The following SIGLEC5 variants were observed in gnomAD, a reference collection of about 807,000 sequenced individuals.
The protein encoded by SIGLEC5 is sialic acid-binding Ig-like lectin 5.
In SIGLEC5, 34 loss-of-function variants were observed where a neutral mutation model predicts 45.9. The observed-to-expected ratio is 0.74, with a 90% CI of 0.56 to 0.99. The LOEUF is 0.99. Among genes scored for constraint, SIGLEC5 ranks in the 50% least tolerant of loss-of-function variants. The pLI is 0.00. For synonymous variants in SIGLEC5, 203 were observed against 258.6 expected (o/e 0.79, Z 2.06); for missense variants, 508 against 629.6 (o/e 0.81, Z 2.07).
Position 51,612,280 on chromosome 19 carries a change from T to C in SIGLEC5, c.1607A>G (p.Gln536Arg). ...GTACTCCGTGGTGCTTGGGGCCTCC[T>C]GGTCCTTAGGCTCCCTCGACTTCAT... Reference protein sequence around the residue: ...SEMKSREPKDQEAPSTTEYSE... With the variant: ...SEMKSREPKDREAPSTTEYSE... The change falls in exon 9 of 9, where the codon CAG becomes CGG. Residue 536 changes from glutamine to arginine, a missense_variant. Around this residue, in one of 2 missense-constraint regions of SIGLEC5, gnomAD observed 431 missense variants for 428.8 expected, o/e 1.01. Coordinates refer to ENST00000683636, the MANE Select transcript of SIGLEC5 (RefSeq NM_003830.4). The C allele has an allele frequency of 1.9e-6, 3 of 1,612,424 alleles. No homozygotes were observed. The highest frequency in any genetic ancestry group is 2.5e-6 in the Non-Finnish European group (3 of 1,179,314).
intron 6 of SIGLEC5, 106 bp from the exon 7 acceptor site, chr19:51,627,354 G>T (rs1346151148): frequency 6.6e-7 from 1 of 1,525,556 alleles, no homozygotes; most frequent in Non-Finnish European, 8.9e-7. Context: ...AGGAGATGAA[G>T]AACCCTGTCT....
At chr19:51,625,087 G>A (rs912294026) in intron 8 of SIGLEC5, among the ~76,000 whole-genome samples, 1 of 152,152 alleles carries the variant, frequency 6.6e-6, no homozygotes, top group African/African-American at 2.4e-5. Flanking sequence ...AAGAGAAGGG[G>A]CAGATATCAA....
rs769816301 is a variant in SIGLEC5, at chr19:51,612,258, C to T, written c.1629G>A (p.Glu543=). 6.2e-7 allele frequency: 1 copy of T among 1,609,474 alleles called. No homozygotes were observed. Among genetic ancestry groups the T allele is most frequent in the Non-Finnish European group, 8.5e-7 (1 of 1,177,524 alleles). ...PKDQEAPSTT[E]YSEIKTSK ...ACTTGCTTGTCTTGATCTCCGAGTA[C>T]TCCGTGGTGCTTGGGGCCTCCTGGT... The change falls in exon 9 of 9, where the codon GAG becomes GAA. Residue 543 remains glutamate (E), a synonymous_variant. Coordinates refer to ENST00000683636, the MANE Select transcript of SIGLEC5 (RefSeq NM_003830.4).
chr19:51,622,072 A>AT lies in SIGLEC5; in HGVS notation c.1464+3959dup, dbSNP rs563031884. Among the ~76,000 whole-genome samples the AT allele has an allele frequency of 5.8e-4, 89 of 152,246 alleles. No individual in the cohort carries two copies. The South Asian group carries it at 8.9e-3, about 15-fold the overall frequency. The stretch of plus-strand genomic sequence containing the variant: ...CCACATTGAGCTATAGATTCAATGT[A>AT]TTTTTTGGAATTTGACAACCTGATT... On this transcript the variant is annotated intron_variant, in intron 8 of 8. Coordinates refer to ENST00000683636, the MANE Select transcript of SIGLEC5 (RefSeq NM_003830.4).
chr19:51,621,881 C>A (rs1339862213), intron 8 of SIGLEC5, among the ~76,000 whole-genome samples: 1 of 151,746 alleles, frequency 6.6e-6, no homozygotes, highest in Non-Finnish European at 1.5e-5. Flanking sequence ...ACAATAGCAA[C>A]AAAAACTGGT....
intron 6 of SIGLEC5, 63 bp from the exon 7 acceptor site, chr19:51,627,311 G>T: frequency 1.3e-6 from 2 of 1,565,868 alleles, no homozygotes; most frequent in South Asian, 1.1e-5. Context: ...CCTCCCACCT[G>T]CTGGGCAACT....
intron 8 of SIGLEC5, among the ~76,000 whole-genome samples, chr19:51,619,903 TAATAA>T (rs1983218055): frequency 6.6e-6 from 1 of 151,724 alleles, no homozygotes; most frequent in Non-Finnish European, 1.5e-5. Context: ...TTGAAACTGA[TAATAA>T]AATAGGGAAA....
chr19:51,626,607 C>T (rs1291034409), intron 7 of SIGLEC5, among the ~76,000 whole-genome samples: 2 of 152,108 alleles, frequency 1.3e-5, no homozygotes, highest in Non-Finnish European at 2.9e-5. Flanking sequence ...ACAACTGCAA[C>T]TTCAGGACAG....
intron 8 of SIGLEC5, among the ~76,000 whole-genome samples, chr19:51,615,979 T>G (rs1399373933): frequency 2.6e-5 from 4 of 152,206 alleles, no homozygotes; most frequent in Admixed American, 2.6e-4. Flanking sequence ...TTTCTCCATG[T>G]TGGTTGGGCT....
chr19:51,620,231 A>G (rs1040334904), intron 8 of SIGLEC5, among the ~76,000 whole-genome samples: 1 of 152,284 alleles, frequency 6.6e-6, no homozygotes, highest in Admixed American at 6.5e-5. Flanking sequence ...TTTCAGTTTT[A>G]TACACACTCT....
intron 8 of SIGLEC5, among the ~76,000 whole-genome samples, chr19:51,620,444 T>G (rs546621020): frequency 2.6e-5 from 4 of 152,228 alleles, no homozygotes; most frequent in Non-Finnish European, 5.9e-5. Flanking sequence ...CTCCCAGGAA[T>G]GCAGGAGTAG....
intron 7 of SIGLEC5, among the ~76,000 whole-genome samples, chr19:51,626,760 C>T (rs1983496201): frequency 6.6e-6 from 1 of 152,082 alleles, no homozygotes. Context: ...GTGACAGATG[C>T]ATAACTCTGT....
At chr19:51,622,227 G>T (rs1285177758) in intron 8 of SIGLEC5, among the ~76,000 whole-genome samples, 1 of 151,978 alleles carries the variant, frequency 6.6e-6, no homozygotes, top group East Asian at 1.9e-4. Context: ...TGCCTCCCAG[G>T]TTCACGCCAT....
At chr19:51,626,274 C>T (rs1436641438) in intron 7 of SIGLEC5, among the ~76,000 whole-genome samples, 161 bp from the exon 8 acceptor site, 1 of 152,132 alleles carries the variant, frequency 6.6e-6, no homozygotes, top group East Asian at 1.9e-4. Context: ...CTCCATCCTC[C>T]TGGATAACCA....
intron 8 of SIGLEC5, among the ~76,000 whole-genome samples, chr19:51,623,131 G>GA (rs1384634224): frequency 2.6e-5 from 4 of 152,038 alleles, no homozygotes; most frequent in Admixed American, 2.6e-4. Flanking sequence ...TGCCTCTATT[G>GA]AAACAGTTCA....
At chr19:51,613,691 A>G (rs1039265541) in intron 8 of SIGLEC5, among the ~76,000 whole-genome samples, 2 of 152,232 alleles carry the variant, frequency 1.3e-5, no homozygotes, top group Admixed American at 1.3e-4. Flanking sequence ...CCACAACAGT[A>G]TAAAAGATAT....
intron 8 of SIGLEC5, chr19:51,621,508 AG>A (rs1983279027): frequency 6.6e-6 from 1 of 152,266 alleles, no homozygotes; most frequent in South Asian, 2.1e-4. Context: ...AGTATACATG[AG>A]GACAGGCATT....
At chr19:51,629,213 G>C in intron 3 of SIGLEC5, 137 bp from the exon 4 acceptor site, 3 of 1,533,064 alleles carry the variant, frequency 2.0e-6, no homozygotes, top group Non-Finnish European at 2.7e-6. Flanking sequence ...CAGATCCCAA[G>C]GCTTAGATCC....
In SIGLEC5 at chr19:51,612,282, G is replaced by C; in HGVS notation, c.1605C>G (p.Asp535Glu). ...FSEMKSREPK[D>E]QEAPSTTEYS... is the part of the protein sequence containing the mutation. ...ACTCCGTGGTGCTTGGGGCCTCCTG[G>C]TCCTTAGGCTCCCTCGACTTCATCT... The change falls in exon 9 of 9, where the codon GAC becomes GAG. Residue 535 changes from aspartate to glutamate, a missense_variant. Physicochemically the swap from Asp to Glu is conservative, Grantham distance 45. Transcript: ENST00000683636. The C allele has an allele frequency of 6.2e-7, 1 of 1,612,390 alleles. No homozygotes were observed. The highest frequency in any genetic ancestry group is 8.5e-7 in the Non-Finnish European group (1 of 1,179,320).
Sources: allele counts gnomAD v4.1 joint callset (sites outside exome capture counted in the v4.1 genomes callset), GRCh38; gene constraint gnomAD v4.1.1; regional missense constraint gnomAD v4.1.1; transcripts MANE v1.5; gene names NCBI Gene and HGNC (gene_info 2026-07-23, HGNC 2026-07-21).